ZNF331: variants seen among roughly 807,000 people sequenced by gnomAD.
The protein encoded by ZNF331 is zinc finger protein 331.
In ZNF331, 2 loss-of-function variants were observed where a neutral mutation model predicts 7.0. That is an observed-to-expected ratio of 0.29 (90% CI 0.12 to 0.90). The LOEUF is 0.90. Among genes scored for constraint, ZNF331 ranks in the 40% least tolerant of loss-of-function variants. ZNF331 has a pLI of 0.58. For synonymous variants in ZNF331, 196 were observed against 205.4 expected, an observed-to-expected ratio of 0.95 and a Z score of 0.39; for missense variants, 432 against 587.7, an observed-to-expected ratio of 0.74 and a Z score of 2.74.
At chr19:53,532,500 G>C (rs1276778995) in intron 2 of ZNF331, among the ~76,000 whole-genome samples, 1 of 152,134 alleles carries the variant, frequency 6.6e-6, no homozygotes, top group Non-Finnish European at 1.5e-5. Context: ...TAACATGTAG[G>C]TTGATTTTTT....
chr19:53,524,220 AC>A (rs1430425778), intron 2 of ZNF331, among the ~76,000 whole-genome samples: 1 of 152,200 alleles, frequency 6.6e-6, no homozygotes, highest in African/African-American at 2.4e-5. Context: ...GCCACAGTAA[AC>A]ATATGTGTGA....
intron 2 of ZNF331, among the ~76,000 whole-genome samples, chr19:53,532,135 T>C (rs1225128803): frequency 6.6e-6 from 1 of 152,216 alleles, no homozygotes; most frequent in East Asian, 1.9e-4. Context: ...TTAACATCTC[T>C]CAGCAATTTT....
At position 53,573,045 on chromosome 19, in the gene ZNF331, C is replaced by T. The variant is rs1202921129; in HGVS notation, c.136+1315C>T. Among the ~76,000 whole-genome samples, 5 of 152,080 alleles carry T rather than the reference C, an allele frequency of 3.3e-5. No homozygotes were observed. The East Asian group carries it at 7.7e-4, about 23-fold the overall frequency. On this transcript the variant is annotated intron_variant, in intron 5 of 5. Coordinates refer to ENST00000449416, the MANE Select transcript of ZNF331 (RefSeq NM_001079906.2). This position sits in a 1 kb window ranked among gnomAD's most constrained non-coding sequence, Gnocchi z 4.2. ...ACCAGCCTGGCCAACATGGTGAAACCCTGTCTCTACTAAAAATATAAAAAT... is the reference window on the plus strand; with the variant it reads ...ACCAGCCTGGCCAACATGGTGAAACTCTGTCTCTACTAAAAATATAAAAAT...
At chr19:53,506,444 G>GTCTCTCTC in the ZNF331 span, among the ~76,000 whole-genome samples, 22 of 86,228 alleles carry the variant, frequency 2.6e-4, no homozygotes, top group Admixed American at 6.8e-4. Context: ...CTCTCTCTCT[G>GTCTCTCTC]TCTCTCTCTC....
intron 2 of ZNF331, among the ~76,000 whole-genome samples, chr19:53,530,565 C>T (rs912518956): frequency 4.6e-5 from 7 of 152,268 alleles, no homozygotes; most frequent in Non-Finnish European, 7.3e-5. Flanking sequence ...TAGGGTAAGG[C>T]GAATTAATGC....
At chr19:53,550,575 C>T (rs1185246854) in intron 2 of ZNF331, among the ~76,000 whole-genome samples, 2 of 103,274 alleles carry the variant, frequency 1.9e-5, no homozygotes, top group East Asian at 6.8e-4. Flanking sequence ...CTCGCTGTAT[C>T]ACCCATGCTG....
rs1447995614 is a variant in ZNF331, at chr19:53,573,931, G to A, written c.136+2201G>A. On this transcript the variant is annotated intron_variant, in intron 5 of 5. Coordinates refer to ENST00000449416, the MANE Select transcript of ZNF331 (RefSeq NM_001079906.2). This position sits in a 1 kb window ranked among gnomAD's most constrained non-coding sequence, Gnocchi z 4.2. ...ACTTCAAGACCAGCCTGGCCAACAT[G>A]GTGAAAACCCGTCTCTACTAAAAAC... Among the ~76,000 whole-genome samples the A allele has an allele frequency of 6.6e-6, 1 of 152,134 alleles. No individual in the cohort carries two copies. The highest frequency in any genetic ancestry group is 1.5e-5 in the Non-Finnish European group (1 of 68,022).
intron 3 of ZNF331, among the ~76,000 whole-genome samples, chr19:53,556,242 C>CAAA (rs1160118053): frequency 8.2e-5 from 7 of 84,924 alleles, no homozygotes; most frequent in Non-Finnish European, 1.4e-4. Flanking sequence ...GACTCCATCT[C>CAAA]AAAAAAAAAA....
Position 53,579,027 on chromosome 19 carries a change from G to T in ZNF331, c.*1075G>T. 5.4e-6 allele frequency: 1 copy of T among 183,972 alleles called. No individual in the cohort carries two copies. The highest frequency in any genetic ancestry group is 1.2e-5 in the Non-Finnish European group (1 of 86,654). The allele number at this position is 183,972 out of a possible 1,614,324, so 11.4% of individuals were successfully genotyped here. A position where few individuals can be genotyped will look rare whatever the true frequency, so the allele number is the denominator to read the frequency against. ...GTTGTCCAGGCTGGTCTCAACTCCT[G>T]ACCTCAGGTGATCCACCCACCTTGC... is the stretch of plus-strand genomic sequence containing the variant. On this transcript the variant is annotated 3_prime_UTR_variant, in exon 6 of 6. Transcript: ENST00000449416.
chr19:53,570,672 A>T (rs1371225537), intron 4 of ZNF331, among the ~76,000 whole-genome samples: 1 of 151,178 alleles, frequency 6.6e-6, no homozygotes, highest in Non-Finnish European at 1.5e-5. Context: ...AGCTGGGATT[A>T]CAGGGATGCG....
chr19:53,542,866 A>G (rs908394087), intron 2 of ZNF331, among the ~76,000 whole-genome samples: 1 of 152,166 alleles, frequency 6.6e-6, no homozygotes, highest in Admixed American at 6.5e-5. Flanking sequence ...CTGGAGTGCA[A>G]TGGCGCAATC....
At chr19:53,536,840 T>C (rs2569560), upstream of ZNF331, among the ~76,000 whole-genome samples, 39,256 of 151,738 alleles carry the variant, frequency 0.26, 5,941 homozygotes, top group African/African-American at 0.42. Flanking sequence ...GAGGCGGAGG[T>C]TGCAGTGAGC....
chr19:53,504,980 G>C, the ZNF331 span, among the ~76,000 whole-genome samples: 64 of 152,182 alleles, frequency 4.2e-4, no homozygotes, highest in Non-Finnish European at 5.9e-4. Flanking sequence ...GGATTGAAAT[G>C]AACTGTCCGA....
the ZNF331 span, chr19:53,503,438 T>C: frequency 3.3e-6 from 2 of 607,210 alleles, no homozygotes; most frequent in Non-Finnish European, 5.9e-6. Flanking sequence ...TATCGCAGAC[T>C]GTACTTGGAA....
chr19:53,526,523 T>C (rs1010875190), intron 2 of ZNF331, among the ~76,000 whole-genome samples: 20 of 151,996 alleles, frequency 1.3e-4, no homozygotes, highest in African/African-American at 3.4e-4. Context: ...TCATTTCTTC[T>C]ACATTATTCA....
rs758847838 is a variant in ZNF331, at chr19:53,566,017, A to G, written c.-73-3287A>G. Among the ~76,000 whole-genome samples the G allele has an allele frequency of 3.3e-5, 5 of 152,168 alleles. No homozygotes were observed. The South Asian group carries it at 6.2e-4, about 19-fold the overall frequency. The stretch of plus-strand genomic sequence containing the variant: ...TGTGTCAGGAGCTGTCAGGACCACC[A>G]CCAGGTTCCTTGTTTCTCTAGATGG... On this transcript the variant is annotated intron_variant, in intron 3 of 5. Transcript: ENST00000449416.
the ZNF331 span, among the ~76,000 whole-genome samples, chr19:53,506,426 C>CTCTCTCTCTCTCTCTCTG: frequency 1.1e-5 from 1 of 95,086 alleles, no homozygotes; most frequent in African/African-American, 4.7e-5. Flanking sequence ...CTCTCTCTCT[C>CTCTCTCTCTCTCTCTCTG]TCTCTCTCTC....
chr19:53,564,223 G>A (rs917671183), intron 3 of ZNF331, among the ~76,000 whole-genome samples: 1 of 151,684 alleles, frequency 6.6e-6, no homozygotes, highest in East Asian at 1.9e-4. Flanking sequence ...ATCCAAGCCT[G>A]TGTCCTTAAT....
At chr19:53,572,620 CACATATATACATATACA>C (rs2090514534) in intron 5 of ZNF331, among the ~76,000 whole-genome samples, 2 of 103,862 alleles carry the variant, frequency 1.9e-5, no homozygotes, top group African/African-American at 4.2e-5. Flanking sequence ...ATTATATATA[CACATATATACATATACA>C]ATATATACAT....
Sources: allele counts gnomAD v4.1 joint callset (sites outside exome capture counted in the v4.1 genomes callset), GRCh38; gene constraint gnomAD v4.1.1; non-coding constraint Gnocchi (gnomAD v3.1); transcripts MANE v1.5; gene names NCBI Gene and HGNC (gene_info 2026-07-23, HGNC 2026-07-21).